Variants in RCOR1 observed in about 807,000 individuals in gnomAD.
The protein encoded by RCOR1 is REST corepressor 1, also known as REST corepressor.
In RCOR1, 12 loss-of-function variants were observed where a neutral mutation model predicts 64.0. The ratio of observed to expected loss-of-function variants is 0.19; its 90% CI spans 0.12 to 0.30. The LOEUF is 0.30. RCOR1 is among the 10% of genes least tolerant of loss of function. The probability of loss-of-function intolerance (pLI) is 1.00; values close to 1 mark genes in which losing one functional copy is unlikely to be tolerated. For synonymous variants in RCOR1, 279 were observed against 227.2 expected (o/e 1.23, Z -2.05); for missense variants, 502 against 621.2 (o/e 0.81, Z 2.04).
intron 2 of RCOR1, among the ~76,000 whole-genome samples, chr14:102,670,267 T>A (rs907644005): frequency 3.3e-5 from 5 of 152,230 alleles, no homozygotes; most frequent in Admixed American, 6.5e-5. Flanking sequence ...TTTACCTTTT[T>A]AAAAAGCTTT....
At position 102,705,112 on chromosome 14, in the gene RCOR1, TCAACAACAACAA is replaced by T. The variant is rs569745143; in HGVS notation, c.499-2229_499-2218del. On this transcript the variant is annotated intron_variant, in intron 4 of 11. Coordinates refer to ENST00000262241, the MANE Select transcript of RCOR1 (RefSeq NM_015156.4). ...TTGCACTCTAGATCACAACTCTATA[TCAACAACAACAA>T]CAACAACAAAAAAAAAGAGGGGGGA... Among the ~76,000 whole-genome samples, 11 of 151,302 alleles carry T rather than the reference TCAACAACAACAA, an allele frequency of 7.3e-5. No homozygotes were observed. The South Asian group carries it at 2.3e-3, about 32-fold the overall frequency.
In RCOR1 at chr14:102,714,707, G is replaced by A. The variant is rs77921392; in HGVS notation, c.1053+90G>A. The stretch of plus-strand genomic sequence containing the variant: ...TCATATATGTGAATGTTCTCTTTCC[G>A]CAAATCTCAAAGGAGCATTTTGTTT... On this transcript the variant is annotated intron_variant, in intron 8 of 11. Coordinates refer to ENST00000262241, the MANE Select transcript of RCOR1 (RefSeq NM_015156.4). The A allele has an allele frequency of 3.9e-3, 3,980 of 1,027,534 alleles. 104 individuals are homozygous for A. The African/African-American group carries it at 0.058, about 15-fold the overall frequency. 63.7% of individuals were successfully genotyped at this position (1,027,534 alleles called of 1,614,324 possible).
intron 2 of RCOR1, among the ~76,000 whole-genome samples, chr14:102,622,298 C>T (rs1460115357): frequency 1.3e-5 from 2 of 152,168 alleles, no homozygotes; most frequent in East Asian, 1.9e-4. Context: ...TTCTACTACA[C>T]TGCCAGCCCG....
intron 2 of RCOR1, among the ~76,000 whole-genome samples, chr14:102,615,811 G>A (rs936609525): frequency 5.9e-5 from 9 of 152,150 alleles, no homozygotes; most frequent in African/African-American, 1.9e-4. Flanking sequence ...CACAGTTTCT[G>A]CTTGAGTAGA....
intron 10 of RCOR1, among the ~76,000 whole-genome samples, chr14:102,721,809 G>A (rs908090347): frequency 2.0e-5 from 3 of 151,840 alleles, no homozygotes; most frequent in African/African-American, 4.8e-5. Flanking sequence ...GTTACTCATC[G>A]AGCTCTGACT....
intron 2 of RCOR1, chr14:102,657,333 T>C (rs969693991): frequency 1.0e-6 from 1 of 985,388 alleles, no homozygotes; most frequent in Non-Finnish European, 1.2e-6. Context: ...AATGGCATAC[T>C]GGTTCATTTA....
intron 2 of RCOR1, among the ~76,000 whole-genome samples, chr14:102,628,916 G>A (rs1041923893): frequency 5.0e-5 from 7 of 140,842 alleles, no homozygotes; most frequent in African/African-American, 1.1e-4. Flanking sequence ...TTTTTGAGAC[G>A]GTCTCGCTCT....
At chr14:102,701,844 C>T (rs1169571581) in intron 4 of RCOR1, among the ~76,000 whole-genome samples, 6 of 152,170 alleles carry the variant, frequency 3.9e-5, no homozygotes, top group South Asian at 2.1e-4. Flanking sequence ...TCTCGTGCCT[C>T]GGCCTCTCAA....
chr14:102,611,489 A>G (rs897361417), intron 2 of RCOR1, among the ~76,000 whole-genome samples: 2 of 151,848 alleles, frequency 1.3e-5, no homozygotes, highest in African/African-American at 4.8e-5. Context: ...TTTTCCACCT[A>G]CTTTGCTTAT....
At chr14:102,705,115 A>T (rs1895824572) in intron 4 of RCOR1, among the ~76,000 whole-genome samples, 1 of 151,622 alleles carries the variant, frequency 6.6e-6, no homozygotes, top group African/African-American at 2.4e-5. Context: ...CTCTATATCA[A>T]CAACAACAAC....
At chr14:102,698,642 C>T (rs1198979839) in intron 3 of RCOR1, among the ~76,000 whole-genome samples, 3 of 152,200 alleles carry the variant, frequency 2.0e-5, no homozygotes, top group Admixed American at 2.0e-4. Context: ...CGCCTTCTGT[C>T]CTTACATATT....
intron 2 of RCOR1, among the ~76,000 whole-genome samples, chr14:102,613,848 G>A (rs1424191387): frequency 1.4e-5 from 2 of 147,582 alleles, no homozygotes; most frequent in African/African-American, 2.5e-5. Flanking sequence ...GAACCACCGC[G>A]CCTGGCTGAG....
intron 2 of RCOR1, 114 bp from the exon 3 acceptor site, chr14:102,681,781 C>T (rs556798854): frequency 1.2e-5 from 8 of 694,624 alleles, no homozygotes; most frequent in East Asian, 2.8e-5. Flanking sequence ...GTGTGGGGCC[C>T]ATTGGGCCAG....
intron 2 of RCOR1, chr14:102,649,871 GA>G (rs1467523834): frequency 1.3e-6 from 1 of 746,030 alleles, no homozygotes; most frequent in Non-Finnish European, 1.6e-6. Flanking sequence ...GGTTGTGTAT[GA>G]AGGCAGTGAA....
chr14:102,705,128 C>CA (rs1312486068), intron 4 of RCOR1, among the ~76,000 whole-genome samples: 2 of 150,482 alleles, frequency 1.3e-5, no homozygotes, highest in African/African-American at 4.9e-5. Context: ...ACAACAACAA[C>CA]AACAAAAAAA....
At chr14:102,653,825 G>T (rs1438810744) in intron 2 of RCOR1, among the ~76,000 whole-genome samples, 1 of 151,922 alleles carries the variant, frequency 6.6e-6, no homozygotes, top group Non-Finnish European at 1.5e-5. Flanking sequence ...AAGCTGAGCA[G>T]ATGCCAGCAT....
At chr14:102,617,958 TTTC>T (rs1893796305) in intron 2 of RCOR1, among the ~76,000 whole-genome samples, 1 of 147,522 alleles carries the variant, frequency 6.8e-6, no homozygotes, top group Non-Finnish European at 1.5e-5. Context: ...CTTACATAAG[TTTC>T]TTTTTTTTTT....
chr14:102,705,239 C>T (rs761018785), intron 4 of RCOR1, among the ~76,000 whole-genome samples: 1 of 152,106 alleles, frequency 6.6e-6, no homozygotes, highest in Non-Finnish European at 1.5e-5. Context: ...GAATCTCTCC[C>T]CTACCTTGTT....
chr14:102,614,872 C>G (rs1893720245), intron 2 of RCOR1, among the ~76,000 whole-genome samples: 1 of 151,244 alleles, frequency 6.6e-6, no homozygotes, highest in Non-Finnish European at 1.5e-5. Context: ...CGCTCTGTCG[C>G]CCAGGCTGGA....
Sources: gnomAD v4.1 joint callset for allele counts (sites outside exome capture counted in the v4.1 genomes callset) on GRCh38, gnomAD v4.1.1 for gene constraint, MANE v1.5 for transcripts, NCBI Gene and HGNC (gene_info 2026-07-23, HGNC 2026-07-21) for gene names.